The following UBN1 variants were observed in gnomAD, a reference collection of about 807,000 sequenced individuals.
UBN1 encodes the protein ubinuclein 1, also known as ubinuclein-1.
Under a neutral mutation model 108.5 loss-of-function variants are expected in UBN1, and 17 were observed. That is an observed-to-expected ratio of 0.16 (90% CI 0.11 to 0.24). UBN1 has a LOEUF of 0.24. Ranked by LOEUF, UBN1 falls within the 10% of genes least tolerant of loss-of-function variation. The probability of loss-of-function intolerance (pLI) is 1.00; values close to 1 mark genes in which losing one functional copy is unlikely to be tolerated. For missense variants in UBN1, 1,595 were observed against 1,394.4 expected, an observed-to-expected ratio of 1.14 and a Z score of -2.29; for synonymous variants, 726 against 564.2, an observed-to-expected ratio of 1.29 and a Z score of -4.07.
In UBN1 at chr16:4,872,953, T is replaced by C. The variant is rs1324802612; in HGVS notation, c.1757+19T>C. On this transcript the variant is annotated intron_variant, in intron 13 of 17. Transcript: ENST00000262376. ...CAATCCTGTGAGTGTCTTGGTATTTTCACATCTCGGGACAAGTGTTGTTTT... is the reference window on the plus strand; with the variant it reads ...CAATCCTGTGAGTGTCTTGGTATTTCCACATCTCGGGACAAGTGTTGTTTT... 6.2e-7 allele frequency: 1 copy of C among 1,614,232 alleles called. No individual in the cohort carries two copies. The highest frequency in any genetic ancestry group is 1.1e-5 in the South Asian group (1 of 91,086).
chr16:4,871,425 TCACC>T, intron 12 of UBN1, 124 bp downstream of exon 12: 5 of 1,340,842 alleles, frequency 3.7e-6, no homozygotes, highest in Non-Finnish European at 5.0e-6. Flanking sequence ...AACTCTGATC[TCACC>T]TGAGTAACTG....
chr16:4,868,962 C>G (rs1438677779), intron 8 of UBN1, 59 bp downstream of exon 8: 7 of 1,591,282 alleles, frequency 4.4e-6, no homozygotes, highest in Non-Finnish European at 4.3e-6. Context: ...GAGCTTGGGG[C>G]AAGCCAGCTA....
At chr16:4,862,485 G>A (rs1174842644) in intron 7 of UBN1, among the ~76,000 whole-genome samples, 1 of 152,150 alleles carries the variant, frequency 6.6e-6, no homozygotes, top group African/African-American at 2.4e-5. Flanking sequence ...ATCTGAACTT[G>A]GTGTTTTTGA....
intron 7 of UBN1, 122 bp from the exon 8 acceptor site, chr16:4,868,711 G>T: frequency 1.2e-6 from 1 of 843,016 alleles, no homozygotes. Flanking sequence ...AGTTGGAAAG[G>T]TGGCGGTGTG....
At chr16:4,856,678 G>C (rs555741685) in intron 2 of UBN1, among the ~76,000 whole-genome samples, 1 of 152,218 alleles carries the variant, frequency 6.6e-6, no homozygotes, top group South Asian at 2.1e-4. Flanking sequence ...GTTATTGGAA[G>C]ACTGCTGTTG....
In UBN1 at chr16:4,859,965, C is replaced by T; in HGVS notation, c.668C>T (p.Ala223Val). 16 of 1,614,104 alleles carry T rather than the reference C, an allele frequency of 9.9e-6. No homozygotes were observed. Among genetic ancestry groups the T allele is most frequent in the Non-Finnish European group, 1.4e-5 (16 of 1,179,986 alleles). The change falls in exon 6 of 18, where the codon GCC becomes GTC. Residue 223 changes from alanine (A) to valine (V), a missense_variant. Coordinates refer to ENST00000262376, the MANE Select transcript of UBN1 (RefSeq NM_001079514.3). ...TCGAAAAAGTCCAAGTTTTCCAAAG[C>T]CGGGTGAGAGGCAGCAGCTTCTTTG... ...KKSKKSKFSK[A>V]GFTALNASKE...
chr16:4,875,516 G>A, intron 15 of UBN1, 82 bp downstream of exon 15: 1 of 1,521,724 alleles, frequency 6.6e-7, no homozygotes, highest in Non-Finnish European at 8.8e-7. Context: ...CCCGGGTGGA[G>A]AGTGAGATCT....
chr16:4,853,521 C>T (rs1372804395), intron 2 of UBN1, among the ~76,000 whole-genome samples: 1 of 149,808 alleles, frequency 6.7e-6, no homozygotes, highest in East Asian at 1.9e-4. Context: ...AGTATAGGGG[C>T]AGACAAAAAA....
intron 6 of UBN1, 26 bp from the exon 7 acceptor site, chr16:4,860,634 CTGAG>C (rs1249433855): frequency 1.3e-6 from 2 of 1,588,252 alleles, no homozygotes; most frequent in Admixed American, 1.7e-5. Flanking sequence ...GTCCTATAGT[CTGAG>C]TGACCAGTTT....
At chr16:4,855,690 A>C (rs9745736) in intron 2 of UBN1, among the ~76,000 whole-genome samples, 1 of 151,108 alleles carries the variant, frequency 6.6e-6, no homozygotes, top group Non-Finnish European at 1.5e-5. Context: ...TGGCCGAGGC[A>C]GGCGGATCAC....
chr16:4,855,631 C>T (rs934735238), intron 2 of UBN1, among the ~76,000 whole-genome samples: 10 of 141,802 alleles, frequency 7.1e-5, no homozygotes, highest in African/African-American at 2.6e-4. Context: ...AAAAAAAAGG[C>T]TGGAAGGCCT....
At chr16:4,872,144 G>T in intron 12 of UBN1, 1 of 967,928 alleles carries the variant, frequency 1.0e-6, no homozygotes, top group Non-Finnish European at 1.2e-6. Context: ...TCTGTTGTGC[G>T]GATAGATCTT....
In UBN1 at chr16:4,880,759, A is replaced by G. The variant is rs941171599; in HGVS notation, c.*627A>G. On this transcript the variant is annotated 3_prime_UTR_variant, in exon 18 of 18. Coordinates refer to ENST00000262376, the MANE Select transcript of UBN1 (RefSeq NM_001079514.3). The stretch of plus-strand genomic sequence containing the variant: ...AGAAAAGACCTTTGTAGATTCAACA[A>G]TTATGATAGGATTTTTACAGACACC... 2 of 152,538 alleles carry G rather than the reference A, an allele frequency of 1.3e-5. No individual in the cohort carries two copies. The highest frequency in any genetic ancestry group is 1.5e-5 in the Non-Finnish European group (1 of 68,248). The allele number at this position is 152,538 out of a possible 1,614,324, so 9.4% of individuals were successfully genotyped here.
In UBN1 at chr16:4,880,238, T is replaced by C; in HGVS notation, c.*106T>C. 2 of 1,302,926 alleles carry C rather than the reference T, an allele frequency of 1.5e-6. No individual in the cohort carries two copies. The highest frequency in any genetic ancestry group is 1.7e-5 in the Admixed American group (1 of 58,182). 80.7% of individuals were successfully genotyped at this position (1,302,926 alleles called of 1,614,324 possible). ...CCCTTTCTGCTGCTTGGTGTTCTTC[T>C]GGAGGAGCGTGAGTTCTCAGCGGAG... On this transcript the variant is annotated 3_prime_UTR_variant, in exon 18 of 18. Transcript: ENST00000262376.
chr16:4,862,426 TTG>T (rs1229924485), intron 7 of UBN1, among the ~76,000 whole-genome samples: 1 of 152,230 alleles, frequency 6.6e-6, no homozygotes, highest in Non-Finnish European at 1.5e-5. Flanking sequence ...TTGTACCATG[TTG>T]GGGTTTGGAG....
In UBN1 at chr16:4,860,797, G is replaced by C. The variant is rs1360650331; in HGVS notation, c.805G>C (p.Val269Leu). 3 of 1,614,176 alleles carry C rather than the reference G, an allele frequency of 1.9e-6. No individual in the cohort carries two copies. The highest frequency in any genetic ancestry group is 2.5e-6 in the Non-Finnish European group (3 of 1,180,062). The change falls in exon 7 of 18, where the codon GTT becomes CTT. Residue 269 changes from valine to leucine, a missense_variant. By Grantham distance (32) the Val-to-Leu change is conservative (BLOSUM62 1). Around this residue, in one of 3 missense-constraint regions of UBN1, gnomAD observed 1,398 missense variants for 1,194.7 expected, o/e 1.17. Transcript: ENST00000262376. ...AAAAAGGGAGGAGGAGCATAAGCCT[G>C]TTGCGGTCCCATCAGCGGAAGCTCA... is the stretch of plus-strand genomic sequence containing the variant. The part of the protein sequence containing the change: ...QKKREEEHKP[V>L]AVPSAEAQGL...
At chr16:4,868,754 G>A in intron 7 of UBN1, 79 bp from the exon 8 acceptor site, 2 of 1,407,570 alleles carry the variant, frequency 1.4e-6, no homozygotes, top group Non-Finnish European at 2.0e-6. Context: ...ATGGAGCGAT[G>A]ACTCCTGTGC....
Position 4,874,668 on chromosome 16 carries a change from A to G in UBN1, c.2258A>G (p.Lys753Arg). ...GCACTGGGGCAGTCCTCTCAGGAGA[A>G]AAAACCAGAGAGTTCTGGCTACAAA... ...ALALGQSSQEKKPESSGYKEL... is the reference protein window; with the variant it reads ...ALALGQSSQERKPESSGYKEL... The change falls in exon 15 of 18, where the codon AAA becomes AGA. Residue 753 changes from lysine (K) to arginine (R), a missense_variant. Transcript: ENST00000262376. 1.9e-6 allele frequency: 3 copies of G among 1,614,208 alleles called. No homozygotes were observed. Among genetic ancestry groups the G allele is most frequent in the Non-Finnish European group, 2.5e-6 (3 of 1,180,038 alleles).
At position 4,877,000 on chromosome 16, in the gene UBN1, C is replaced by T. The variant is rs779551552; in HGVS notation, c.3154C>T (p.Pro1052Ser). Residue 1052 changes from proline to serine, a missense_variant, in exon 16 of 18, where the codon CCT becomes TCT. By Grantham distance (74) the Pro-to-Ser change is moderately conservative (BLOSUM62 -1). This residue lies in a region of UBN1 where 1,398 missense variants were observed against 1,194.7 expected (regional missense o/e 1.17). Coordinates refer to ENST00000262376, the MANE Select transcript of UBN1 (RefSeq NM_001079514.3). ...SLGIITPVPI[P>S]VHVLSFSADS... ...GGGAATTATAACCCCTGTCCCTATTCCTGTCCATGTGCTCTCCTTCAGCGC... is the reference window on the plus strand; with the variant it reads ...GGGAATTATAACCCCTGTCCCTATTTCTGTCCATGTGCTCTCCTTCAGCGC... 7 of 1,614,230 alleles carry T rather than the reference C, an allele frequency of 4.3e-6. No individual in the cohort carries two copies. The highest frequency in any genetic ancestry group is 1.1e-5 in the South Asian group (1 of 91,082).
Sources: gnomAD v4.1 joint callset for allele counts (sites outside exome capture counted in the v4.1 genomes callset) on GRCh38, gnomAD v4.1.1 for gene constraint, gnomAD v4.1.1 regional missense constraint, MANE v1.5 for transcripts, NCBI Gene and HGNC (gene_info 2026-07-23, HGNC 2026-07-21) for gene names.